The following PKN2 variants were observed in gnomAD, a reference collection of about 807,000 sequenced individuals.
PKN2 encodes the protein serine/threonine-protein kinase N2.
Under a neutral mutation model 119.1 loss-of-function variants are expected in PKN2, and 38 were observed. The ratio of observed to expected loss-of-function variants is 0.32; its 90% CI spans 0.25 to 0.42. PKN2 has a LOEUF of 0.42. Ranked by LOEUF, PKN2 falls within the 10% of genes least tolerant of loss-of-function variation. PKN2 has a pLI of 1.00. For synonymous variants in PKN2, 390 were observed against 384.9 expected (o/e 1.01, Z -0.15); for missense variants, 850 against 1,165.1 (o/e 0.73, Z 3.94).
At chr1:88,704,882 G>A (rs879545461) in intron 1 of PKN2, among the ~76,000 whole-genome samples, 21 of 151,404 alleles carry the variant, frequency 1.4e-4, no homozygotes, top group African/African-American at 4.4e-4. Flanking sequence ...GATTTATAGC[G>A]ACATCATACT....
chr1:88,759,291 A>G (rs936294497), intron 2 of PKN2, among the ~76,000 whole-genome samples: 3 of 152,196 alleles, frequency 2.0e-5, no homozygotes, highest in Non-Finnish European at 4.4e-5. Context: ...TGAACCTGGG[A>G]GGCAGAGGTT....
At chr1:88,802,788 A>C (rs1030710096) in intron 8 of PKN2, among the ~76,000 whole-genome samples, 11 of 152,184 alleles carry the variant, frequency 7.2e-5, no homozygotes, top group African/African-American at 2.7e-4. Flanking sequence ...GCCAGTGTAA[A>C]AGTGTAATAA....
intron 6 of PKN2, among the ~76,000 whole-genome samples, chr1:88,783,518 T>C (rs543014221): frequency 1.3e-5 from 2 of 152,358 alleles, no homozygotes; most frequent in African/African-American, 4.8e-5. Context: ...TGTTTGTTAC[T>C]ACTTGGATAG....
chr1:88,728,108 T>C (rs1667972378), intron 1 of PKN2, among the ~76,000 whole-genome samples: 1 of 150,816 alleles, frequency 6.6e-6, no homozygotes, highest in African/African-American at 2.4e-5. Flanking sequence ...AGAGAATTCA[T>C]ATCTTGTCTT....
intron 1 of PKN2, among the ~76,000 whole-genome samples, chr1:88,716,250 T>A (rs1458796373): frequency 6.6e-6 from 1 of 152,208 alleles, no homozygotes; most frequent in Non-Finnish European, 1.5e-5. Context: ...GATGTGGTGC[T>A]GAGAAGAATG....
intron 18 of PKN2, among the ~76,000 whole-genome samples, chr1:88,826,610 T>G (rs1672510364): frequency 6.6e-6 from 1 of 152,124 alleles, no homozygotes; most frequent in African/African-American, 2.4e-5. Context: ...TGAGTCTTCC[T>G]TGTCTTATCA....
intron 1 of PKN2, among the ~76,000 whole-genome samples, chr1:88,722,756 T>C (rs1367835563): frequency 6.6e-6 from 1 of 151,482 alleles, no homozygotes; most frequent in African/African-American, 2.4e-5. Context: ...GCGCTCTAGC[T>C]TGGGTGACAG....
intron 6 of PKN2, among the ~76,000 whole-genome samples, chr1:88,779,009 C>G (rs983293470): frequency 6.6e-6 from 1 of 152,198 alleles, no homozygotes; most frequent in Non-Finnish European, 1.5e-5. Context: ...AGGCATGAGC[C>G]GCCGCGCCCA....
chr1:88,696,082 C>T (rs1259094264), intron 1 of PKN2, among the ~76,000 whole-genome samples: 1 of 152,096 alleles, frequency 6.6e-6, no homozygotes, highest in Non-Finnish European at 1.5e-5. Flanking sequence ...CTTTGAGGAC[C>T]CTGCACTATA....
intron 1 of PKN2, among the ~76,000 whole-genome samples, chr1:88,685,366 T>G (rs1278793176): frequency 3.9e-5 from 6 of 152,046 alleles, no homozygotes; most frequent in African/African-American, 1.4e-4. Flanking sequence ...TCCCTCTCAT[T>G]TGAGCACCAG....
intron 18 of PKN2, among the ~76,000 whole-genome samples, chr1:88,826,889 T>A (rs766412920): frequency 4.6e-5 from 7 of 152,196 alleles, no homozygotes; most frequent in Non-Finnish European, 1.0e-4. Context: ...TACATAGATA[T>A]TAATACTATA....
intron 8 of PKN2, among the ~76,000 whole-genome samples, chr1:88,791,900 GGT>G: frequency 6.6e-6 from 1 of 152,126 alleles, no homozygotes; most frequent in Non-Finnish European, 1.5e-5. Flanking sequence ...CACCATACCT[GGT>G]CACAGATTTT....
intron 2 of PKN2, among the ~76,000 whole-genome samples, chr1:88,745,977 G>T (rs1668752269): frequency 6.6e-6 from 1 of 152,116 alleles, no homozygotes; most frequent in African/African-American, 2.4e-5. Context: ...ACACGGTGGG[G>T]ACTGGACAGT....
At chr1:88,802,525 A>C (rs1320528809) in intron 8 of PKN2, among the ~76,000 whole-genome samples, 1 of 152,118 alleles carries the variant, frequency 6.6e-6, no homozygotes, top group East Asian at 1.9e-4. Flanking sequence ...GGGTTTCACC[A>C]TGTTGGCCGT....
At chr1:88,775,467 C>G (rs959234581) in intron 6 of PKN2, among the ~76,000 whole-genome samples, 1 of 152,060 alleles carries the variant, frequency 6.6e-6, no homozygotes, top group Non-Finnish European at 1.5e-5. Flanking sequence ...CTGAATAATA[C>G]TCTATTGTGT....
intron 3 of PKN2, among the ~76,000 whole-genome samples, chr1:88,767,579 A>G (rs1415865471): frequency 6.6e-6 from 1 of 152,138 alleles, no homozygotes; most frequent in African/African-American, 2.4e-5. Context: ...AACTATACTG[A>G]ATACTGTAGG....
At chr1:88,820,180 C>CTATATA (rs397980752) in intron 16 of PKN2, among the ~76,000 whole-genome samples, 50 of 70,690 alleles carry the variant, frequency 7.1e-4, no homozygotes, top group East Asian at 1.5e-3. Flanking sequence ...TTTCAGAAAC[C>CTATATA]TATATATATA....
intron 2 of PKN2, among the ~76,000 whole-genome samples, chr1:88,750,014 T>C (rs937328636): frequency 2.2e-4 from 33 of 152,228 alleles, no homozygotes; most frequent in African/African-American, 7.5e-4. Context: ...AGCTGCACTA[T>C]TAAATGGTTG....
chr1:88,742,953 G>T (rs1181740657), intron 2 of PKN2, among the ~76,000 whole-genome samples: 1 of 152,162 alleles, frequency 6.6e-6, no homozygotes, highest in East Asian at 1.9e-4. Context: ...CACTTTGGGA[G>T]GCCAAGGCAG....
Sources: gnomAD v4.1 joint callset for allele counts (sites outside exome capture counted in the v4.1 genomes callset) on GRCh38, gnomAD v4.1.1 for gene constraint, MANE v1.5 for transcripts, NCBI Gene and HGNC (gene_info 2026-07-23, HGNC 2026-07-21) for gene names.